FGGY: variants seen among roughly 807,000 people sequenced by gnomAD.
FGGY encodes FGGY carbohydrate kinase domain-containing protein.
Under a neutral mutation model 71.3 loss-of-function variants are expected in FGGY, and 72 were observed. The observed-to-expected ratio is 1.01, with a 90% CI of 0.84 to 1.23. The LOEUF is 1.23. Among genes scored for constraint, FGGY ranks in the 50% most tolerant of loss-of-function variants. The pLI, the probability that FGGY is intolerant of heterozygous loss-of-function variation, is 0.00. For missense variants in FGGY, 668 were observed against 682.3 expected (o/e 0.98, Z 0.23); for synonymous variants, 251 against 250.3 (o/e 1.00, Z -0.02).
chr1:59,322,485 T>C (rs986973257), intron 2 of FGGY, among the ~76,000 whole-genome samples: 3 of 152,126 alleles, frequency 2.0e-5, no homozygotes, highest in Non-Finnish European at 4.4e-5. Context: ...AATTGTATCA[T>C]TCCTATACCT....
Position 59,683,877 on chromosome 1 carries a change from G to C in FGGY, c.1512+9744G>C, listed in dbSNP as rs939226448. On this transcript the variant is annotated intron_variant, in intron 14 of 15. Coordinates refer to ENST00000303721, the MANE Select transcript of FGGY (RefSeq NM_018291.5). Reference sequence around the variant, plus strand: ...AAGGGGAAGCCAAATTAATCACTCTGCTGGCTTGTTTTTGCCCCCATTAAT... The same window carrying C: ...AAGGGGAAGCCAAATTAATCACTCTCCTGGCTTGTTTTTGCCCCCATTAAT... 2.6e-5 allele frequency among the ~76,000 whole-genome samples: 4 copies of C among 152,204 alleles called. No individual in the cohort carries two copies. The East Asian group carries it at 5.8e-4, about 22-fold the overall frequency.
intron 14 of FGGY, among the ~76,000 whole-genome samples, chr1:59,680,277 T>A (rs955199997): frequency 6.6e-6 from 1 of 152,072 alleles, no homozygotes; most frequent in African/African-American, 2.4e-5. Context: ...AGATTCAGAT[T>A]ACTGATTGAA....
At chr1:59,612,341 T>C (rs1366873116) in intron 9 of FGGY, among the ~76,000 whole-genome samples, 1 of 152,180 alleles carries the variant, frequency 6.6e-6, no homozygotes, top group Non-Finnish European at 1.5e-5. Context: ...GGGCCAATAT[T>C]CAACATTCTT....
At chr1:59,641,322 C>T (rs2097024720) in intron 11 of FGGY, 2 of 1,611,404 alleles carry the variant, frequency 1.2e-6, no homozygotes, top group Non-Finnish European at 1.7e-6. Context: ...GGCAGCGTTG[C>T]ACTCTCCCAG....
rs376388299 is a variant in FGGY at position 59,755,402 on chromosome 1, G to A, written c.1513-2529G>A. On this transcript the variant is annotated intron_variant, in intron 14 of 15. Transcript: ENST00000303721. ...AGGCGCTCACAGTCTAGTTGGGGAG[G>A]CTGATCTGTTAACAAAAAAATATGG... 20 of 152,212 alleles carry A rather than the reference G, an allele frequency of 1.3e-4. No individual in the cohort carries two copies. The South Asian group carries it at 1.7e-3, about 13-fold the overall frequency. The allele number at this position is 152,212 out of a possible 1,614,324, so 9.4% of individuals were successfully genotyped here. A position where few individuals can be genotyped will look rare whatever the true frequency, so the allele number is the denominator to read the frequency against.
chr1:59,740,466 G>A (rs2098138463), intron 14 of FGGY, among the ~76,000 whole-genome samples: 1 of 152,224 alleles, frequency 6.6e-6, no homozygotes, highest in South Asian at 2.1e-4. Context: ...CTGCTCGCAA[G>A]AGCATATTGT....
At chr1:59,381,449 A>C (rs367665809) in intron 5 of FGGY, among the ~76,000 whole-genome samples, 8 of 152,096 alleles carry the variant, frequency 5.3e-5, no homozygotes, top group Non-Finnish European at 1.2e-4. Flanking sequence ...TTCACTTTTT[A>C]AACTTTTCTG....
At chr1:59,597,193 A>G (rs1030435321) in intron 8 of FGGY, among the ~76,000 whole-genome samples, 1 of 152,204 alleles carries the variant, frequency 6.6e-6, no homozygotes, top group African/African-American at 2.4e-5. Context: ...AATTCCTCTG[A>G]GCTAAGCCTG....
intron 11 of FGGY, among the ~76,000 whole-genome samples, chr1:59,656,987 T>G (rs1351908963): frequency 1.3e-5 from 2 of 152,148 alleles, no homozygotes; most frequent in African/African-American, 4.8e-5. Context: ...CACTGGAAAT[T>G]TAGAGAAGGG....
At chr1:59,397,051 T>TAA (rs397719218) in intron 5 of FGGY, among the ~76,000 whole-genome samples, 3 of 148,670 alleles carry the variant, frequency 2.0e-5, no homozygotes, top group African/African-American at 7.7e-5. Flanking sequence ...TTTTTTTTTT[T>TAA]AAAAGAAAGG....
intron 14 of FGGY, chr1:59,697,547 A>T (rs2097671922): frequency 3.5e-6 from 2 of 572,992 alleles, no homozygotes; most frequent in Non-Finnish European, 6.1e-6. Flanking sequence ...TCTTGGTTGT[A>T]TTCTTAATGC....
intron 14 of FGGY, among the ~76,000 whole-genome samples, chr1:59,727,083 A>AC (rs2097956401): frequency 1.3e-5 from 2 of 151,896 alleles, no homozygotes; most frequent in African/African-American, 4.8e-5. Flanking sequence ...TCTTGTTCCC[A>AC]TGTTTATGTC....
intron 14 of FGGY, among the ~76,000 whole-genome samples, chr1:59,736,944 T>G (rs1165372902): frequency 2.0e-5 from 3 of 152,192 alleles, no homozygotes; most frequent in Non-Finnish European, 2.9e-5. Context: ...AAAAGTGGTT[T>G]TGTAGGCAGG....
At chr1:59,364,647 A>G (rs1266771257) in intron 4 of FGGY, among the ~76,000 whole-genome samples, 1 of 152,212 alleles carries the variant, frequency 6.6e-6, no homozygotes, top group Non-Finnish European at 1.5e-5. Context: ...CTAGTGAGAG[A>G]GACAGACAAA....
intron 4 of FGGY, among the ~76,000 whole-genome samples, chr1:59,371,197 A>G (rs2057561604): frequency 6.6e-6 from 1 of 152,188 alleles, no homozygotes; most frequent in Admixed American, 6.5e-5. Flanking sequence ...GCTCAAAATA[A>G]CAGGATGGAG....
intron 6 of FGGY, among the ~76,000 whole-genome samples, chr1:59,485,779 C>T (rs2093640137): frequency 6.6e-6 from 1 of 152,136 alleles, no homozygotes; most frequent in East Asian, 1.9e-4. Flanking sequence ...TAATAGCTCA[C>T]ATAACTCATT....
At chr1:59,658,593 C>G (rs2097244158) in intron 11 of FGGY, among the ~76,000 whole-genome samples, 1 of 152,154 alleles carries the variant, frequency 6.6e-6, no homozygotes, top group Non-Finnish European at 1.5e-5. Context: ...GGAGAAGAAG[C>G]AAGGGCGAGC....
At chr1:59,646,852 A>G (rs2097099791) in intron 11 of FGGY, among the ~76,000 whole-genome samples, 1 of 152,248 alleles carries the variant, frequency 6.6e-6, no homozygotes, top group Non-Finnish European at 1.5e-5. Context: ...TTGGGGAAAA[A>G]GAAAAATAAA....
intron 7 of FGGY, among the ~76,000 whole-genome samples, chr1:59,532,231 G>C (rs1022234127): frequency 2.0e-5 from 3 of 152,140 alleles, no homozygotes; most frequent in African/African-American, 7.2e-5. Flanking sequence ...ATGGAGTAAA[G>C]TCAACAGCAT....
Sources: allele counts gnomAD v4.1 joint callset (sites outside exome capture counted in the v4.1 genomes callset), GRCh38; gene constraint gnomAD v4.1.1; transcripts MANE v1.5; gene names NCBI Gene and HGNC (gene_info 2026-07-23, HGNC 2026-07-21).